Variants in TMEM87A observed in about 807,000 individuals in gnomAD.
TMEM87A encodes the protein Golgi-pH regulating cation channel.
TMEM87A carries 50 observed loss-of-function variants against 90.0 expected under a neutral mutation model. That is an observed-to-expected ratio of 0.56 (90% CI 0.44 to 0.70). TMEM87A has a LOEUF of 0.70. Among genes scored for constraint, TMEM87A ranks in the 30% least tolerant of loss-of-function variants. The probability of loss-of-function intolerance (pLI) is 0.00; values close to 1 mark genes in which losing one functional copy is unlikely to be tolerated. For missense variants in TMEM87A, 577 were observed against 660.5 expected (o/e 0.87, Z 1.39); for synonymous variants, 226 against 226.7 (o/e 1.00, Z 0.03).
chr15:42,249,588 G>GCACA (rs2051045339), intron 6 of TMEM87A, among the ~76,000 whole-genome samples: 2 of 152,164 alleles, frequency 1.3e-5, no homozygotes, highest in South Asian at 4.1e-4. Context: ...GTATTTGTGT[G>GCACA]GTTTTGAGTG....
In TMEM87A at chr15:42,227,192, C is replaced by A. The variant is rs2050610738; in HGVS notation, c.1300-283G>T. 2.0e-5 allele frequency among the ~76,000 whole-genome samples: 3 copies of A among 152,106 alleles called. No homozygotes were observed. In the South Asian group the frequency reaches 6.2e-4, roughly 32 times the overall value. ...AGAAGCTTTAAGAAAGGGTTTTATA[C>A]AGGGTTAAGAGAAAGTTACCTTATA... On this transcript the variant is annotated intron_variant, in intron 14 of 19. Transcript: ENST00000389834.
At position 42,273,354 on chromosome 15, in the gene TMEM87A, CAGA is replaced by C. The variant is rs550307753; in HGVS notation, c.42_44del (p.Leu17del). On this transcript the variant is annotated inframe_deletion, in exon 1 of 20. Coordinates refer to ENST00000389834, the MANE Select transcript of TMEM87A (RefSeq NM_015497.5). ...GTGGTGACGGGTGAGCTCCCAGAAG[CAGA>C]AGAATGACAGGCAACACCTGAAGCC... 4.9e-4 allele frequency: 788 copies of C among 1,614,170 alleles called. 1 individual carries two copies. The highest frequency in any genetic ancestry group is 1.1e-3 in the Admixed American group (65 of 60,030).
chr15:42,256,269 T>C (rs1467191021), intron 6 of TMEM87A, among the ~76,000 whole-genome samples: 1 of 152,134 alleles, frequency 6.6e-6, no homozygotes, highest in African/African-American at 2.4e-5. Context: ...TGCACCCAAG[T>C]AGCTGGGATT....
chr15:42,225,180 T>C (rs920225886), intron 15 of TMEM87A, among the ~76,000 whole-genome samples: 1 of 152,212 alleles, frequency 6.6e-6, no homozygotes, highest in Non-Finnish European at 1.5e-5. Context: ...ATTTCACCTA[T>C]TTTCTATTTC....
chr15:42,220,965 G>T (rs2050469385), intron 15 of TMEM87A, among the ~76,000 whole-genome samples: 1 of 151,680 alleles, frequency 6.6e-6, no homozygotes, highest in Non-Finnish European at 1.5e-5. Context: ...CCAATTTTTT[G>T]CATTTTTTTA....
chr15:42,229,209 GCT>G (rs1295789327), intron 12 of TMEM87A, among the ~76,000 whole-genome samples: 1 of 151,842 alleles, frequency 6.6e-6, no homozygotes, highest in Non-Finnish European at 1.5e-5. Context: ...TCGCTATGTT[GCT>G]CAGGCTGGTC....
intron 6 of TMEM87A, chr15:42,258,890 A>T: frequency 6.8e-7 from 1 of 1,470,334 alleles, no homozygotes; most frequent in Admixed American, 2.1e-5. Flanking sequence ...AAAGCAACGA[A>T]AACACTGGCA....
At chr15:42,237,411 A>C in intron 9 of TMEM87A, 21 bp downstream of exon 9, 1 of 1,611,658 alleles carries the variant, frequency 6.2e-7, no homozygotes, top group South Asian at 1.1e-5. Context: ...TCGAACTGGC[A>C]AAGATTTTCT....
At chr15:42,244,949 C>G (rs931434244) in intron 6 of TMEM87A, among the ~76,000 whole-genome samples, 5 of 151,588 alleles carry the variant, frequency 3.3e-5, no homozygotes, top group African/African-American at 1.2e-4. Flanking sequence ...GTTCTGTGAA[C>G]CCCCCAAAAT....
chr15:42,217,948 T>G, intron 18 of TMEM87A, 115 bp from the exon 19 acceptor site: 1 of 988,910 alleles, frequency 1.0e-6, no homozygotes, highest in Non-Finnish European at 1.5e-6. Context: ...GATTTGCATT[T>G]TATTAATGGC....
chr15:42,243,199 C>T (rs1183691308), intron 7 of TMEM87A, among the ~76,000 whole-genome samples: 4 of 151,702 alleles, frequency 2.6e-5, no homozygotes, highest in East Asian at 3.9e-4. Flanking sequence ...ACCCAGGAGG[C>T]GGAGCTTGCA....
chr15:42,212,370 C>T (rs1227478078), intron 19 of TMEM87A, among the ~76,000 whole-genome samples: 3 of 152,096 alleles, frequency 2.0e-5, no homozygotes, highest in African/African-American at 7.2e-5. Context: ...ACTATTGTAT[C>T]ACAAACTGAC....
chr15:42,228,627 T>C, intron 13 of TMEM87A, 85 bp downstream of exon 13: 3 of 1,115,146 alleles, frequency 2.7e-6, no homozygotes, highest in Non-Finnish European at 4.0e-6. Flanking sequence ...CAAAACTTTC[T>C]ATGTCCACCC....
intron 4 of TMEM87A, 99 bp from the exon 5 acceptor site, chr15:42,261,348 C>A (rs916905465): frequency 4.6e-6 from 4 of 873,194 alleles, no homozygotes; most frequent in Admixed American, 5.9e-5. Context: ...AAACACCACA[C>A]CCTAACTAGT....
chr15:42,272,043 C>A lies in TMEM87A; in HGVS notation c.205+20G>T. ...ATTTTTAAAATTCAAATTAAAACTT[C>A]ATGAAATTCAAAAACTCACACTTCA... On this transcript the variant is annotated intron_variant, in intron 2 of 19. Transcript: ENST00000389834. 1 of 1,572,226 alleles carries A rather than the reference C, an allele frequency of 6.4e-7. No homozygotes were observed. The highest frequency in any genetic ancestry group is 8.6e-7 in the Non-Finnish European group (1 of 1,163,008).
chr15:42,261,877 G>A (rs543014855), intron 4 of TMEM87A, among the ~76,000 whole-genome samples: 14 of 152,032 alleles, frequency 9.2e-5, no homozygotes, highest in East Asian at 3.9e-4. Flanking sequence ...CTCATGATCC[G>A]CCCACATCGG....
At chr15:42,269,723 T>C (rs1039180937) in intron 2 of TMEM87A, among the ~76,000 whole-genome samples, 1 of 149,614 alleles carries the variant, frequency 6.7e-6, no homozygotes, top group South Asian at 2.1e-4. Context: ...GATCATGAGG[T>C]CAGGAGATCG....
chr15:42,233,062 A>C, intron 11 of TMEM87A, 151 bp downstream of exon 11: 1 of 538,254 alleles, frequency 1.9e-6, no homozygotes, highest in Non-Finnish European at 3.3e-6. Context: ...TTTAAAAGAG[A>C]ACATGAACTA....
intron 6 of TMEM87A, chr15:42,259,021 G>A: frequency 2.7e-6 from 2 of 747,518 alleles, no homozygotes; most frequent in Non-Finnish European, 4.8e-6. Context: ...TGAGATGTCT[G>A]TGTTCACCCT....
Sources: gnomAD v4.1 joint callset for allele counts (sites outside exome capture counted in the v4.1 genomes callset) on GRCh38, gnomAD v4.1.1 for gene constraint, MANE v1.5 for transcripts, NCBI Gene and HGNC (gene_info 2026-07-23, HGNC 2026-07-21) for gene names.